Variants in RIMS3 observed in about 807,000 individuals in gnomAD.
RIMS3 encodes the protein regulating synaptic membrane exocytosis protein 3.
In RIMS3, 15 loss-of-function variants were observed where a neutral mutation model predicts 29.2. That is an observed-to-expected ratio of 0.51 (90% CI 0.34 to 0.79). The LOEUF is 0.79. RIMS3 is among the 30% of genes least tolerant of loss of function. RIMS3 has a pLI of 0.01. For synonymous variants in RIMS3, 161 were observed against 170.1 expected (o/e 0.95, Z 0.41); for missense variants, 342 against 421.4 (o/e 0.81, Z 1.65).
intron 2 of RIMS3, among the ~76,000 whole-genome samples, chr1:40,644,025 G>C (rs636579): frequency 0.14 from 20,941 of 146,966 alleles, 1,610 homozygotes; most frequent in African/African-American, 0.21. Flanking sequence ...CTTGTCCAAG[G>C]GGGGGAAGAT....
rs1331622053 is a variant in RIMS3, at chr1:40,621,528, G to T, written c.*4989C>A. 1 of 152,200 alleles carries T rather than the reference G, an allele frequency of 6.6e-6. No individual in the cohort carries two copies. Among genetic ancestry groups the T allele is most frequent in the Non-Finnish European group, 1.5e-5 (1 of 68,056 alleles). The allele number at this position is 152,200 out of a possible 1,614,324, so 9.4% of individuals were successfully genotyped here. On this transcript the variant is annotated 3_prime_UTR_variant, in exon 8 of 8. Coordinates refer to ENST00000372684, the MANE Select transcript of RIMS3 (RefSeq NM_014747.3). ...ACCAGCCCACGGAGACAGGAACCAGGTGCACCAGGCTCGCAACCCTCATGT... is the reference window on the plus strand; with the variant it reads ...ACCAGCCCACGGAGACAGGAACCAGTTGCACCAGGCTCGCAACCCTCATGT...
the RIMS3 span, among the ~76,000 whole-genome samples, chr1:40,678,922 C>A: frequency 1.3e-5 from 2 of 152,186 alleles, no homozygotes; most frequent in Non-Finnish European, 2.9e-5. Flanking sequence ...GGTTAGAAAT[C>A]TGTTAGAAAG....
At chr1:40,681,966 T>G in the RIMS3 span, among the ~76,000 whole-genome samples, 8 of 152,200 alleles carry the variant, frequency 5.3e-5, no homozygotes, top group African/African-American at 1.9e-4. Flanking sequence ...CCCAAGTAGC[T>G]GGAATTACAG....
At chr1:40,664,332 T>A (rs2148364862) in intron 1 of RIMS3, among the ~76,000 whole-genome samples, 1 of 149,078 alleles carries the variant, frequency 6.7e-6, no homozygotes, top group African/African-American at 2.4e-5. Flanking sequence ...TACAGACTAA[T>A]TGGTGGCTGG....
chr1:40,648,129 C>G (rs1382993220), intron 1 of RIMS3, among the ~76,000 whole-genome samples: 2 of 152,150 alleles, frequency 1.3e-5, no homozygotes, highest in Admixed American at 6.5e-5. Context: ...CTAAGGAGCT[C>G]TAGACCCTAT....
intron 1 of RIMS3, among the ~76,000 whole-genome samples, chr1:40,657,593 A>G (rs1642289188): frequency 6.6e-6 from 1 of 152,094 alleles, no homozygotes; most frequent in Non-Finnish European, 1.5e-5. Flanking sequence ...AAAAAAATAC[A>G]AAACTGAGCT....
chr1:40,653,581 T>G (rs768145812), intron 1 of RIMS3, among the ~76,000 whole-genome samples: 1 of 152,060 alleles, frequency 6.6e-6, no homozygotes, highest in Non-Finnish European at 1.5e-5. Flanking sequence ...GCTGGATGCA[T>G]TGGGGAGGGT....
chr1:40,657,124 C>T (rs905718596), intron 1 of RIMS3, among the ~76,000 whole-genome samples: 3 of 152,144 alleles, frequency 2.0e-5, no homozygotes, highest in African/African-American at 7.2e-5. Context: ...AATTATCTTC[C>T]CCGTTTCTGA....
chr1:40,640,676 G>A (rs1223224080), intron 3 of RIMS3, among the ~76,000 whole-genome samples: 1 of 152,222 alleles, frequency 6.6e-6, no homozygotes, highest in Non-Finnish European at 1.5e-5. Flanking sequence ...GGTGGGGAGG[G>A]CTGGCTCCTC....
intron 1 of RIMS3, among the ~76,000 whole-genome samples, chr1:40,664,831 C>T (rs1642401722): frequency 6.6e-6 from 1 of 152,152 alleles, no homozygotes; most frequent in Non-Finnish European, 1.5e-5. Flanking sequence ...CCAAGCCTCC[C>T]TGAACCCTGG....
rs533755254 is a variant in RIMS3, at chr1:40,623,371, T to C, written c.*3146A>G. The C allele has an allele frequency of 4.3e-5, 17 of 398,558 alleles. No homozygotes were observed. Among genetic ancestry groups the C allele is most frequent in the African/African-American group, 2.1e-4 (10 of 48,720 alleles). The allele number at this position is 398,558 out of a possible 1,614,324, so 24.7% of individuals were successfully genotyped here. ...ACCCATTGCAGGGAAAAGGAGTCTA[T>C]GAAGAAAGTGGGACAGAATGAACAG... is the stretch of plus-strand genomic sequence containing the variant. On this transcript the variant is annotated 3_prime_UTR_variant, in exon 8 of 8. Transcript: ENST00000372684.
intron 5 of RIMS3, among the ~76,000 whole-genome samples, chr1:40,632,160 AG>A (rs1646493059): frequency 6.6e-6 from 1 of 152,032 alleles, no homozygotes; most frequent in African/African-American, 2.4e-5. Flanking sequence ...CTGGGACTAC[AG>A]GCACAGGCCA....
chr1:40,676,159 T>C, the RIMS3 span, among the ~76,000 whole-genome samples: 1 of 152,200 alleles, frequency 6.6e-6, no homozygotes, highest in Non-Finnish European at 1.5e-5. Context: ...AGAAACTCCT[T>C]TGTACTTGAG....
the RIMS3 span, among the ~76,000 whole-genome samples, chr1:40,689,103 T>C: frequency 6.6e-6 from 1 of 152,234 alleles, no homozygotes; most frequent in African/African-American, 2.4e-5. Context: ...GGTTTATTTA[T>C]TGTTCACACA....
chr1:40,663,221 C>T (rs1046653122), intron 1 of RIMS3, among the ~76,000 whole-genome samples: 1 of 152,188 alleles, frequency 6.6e-6, no homozygotes, highest in African/African-American at 2.4e-5. Flanking sequence ...CACCCCAAGT[C>T]AGCAGATTGC....
chr1:40,675,078 G>T, the RIMS3 span, among the ~76,000 whole-genome samples: 1 of 152,044 alleles, frequency 6.6e-6, no homozygotes, highest in South Asian at 2.1e-4. Flanking sequence ...CTGGACAACA[G>T]TGAGACTTTG....
At chr1:40,643,259 G>A (rs141225465) in intron 2 of RIMS3, among the ~76,000 whole-genome samples, 296 of 152,038 alleles carry the variant, frequency 1.9e-3, no homozygotes, top group African/African-American at 6.9e-3. Flanking sequence ...AGCCTCCCGA[G>A]TAGCTGGGAT....
rs929042794 is a variant in RIMS3, at chr1:40,624,408, G to A, written c.*2109C>T. 2 of 152,238 alleles carry A rather than the reference G, an allele frequency of 1.3e-5. No individual in the cohort carries two copies. The highest frequency in any genetic ancestry group is 4.8e-5 in the African/African-American group (2 of 41,456). The allele number at this position is 152,238 out of a possible 1,614,324, so 9.4% of individuals were successfully genotyped here. A position where few individuals can be genotyped will look rare whatever the true frequency, so the allele number is the denominator to read the frequency against. ...GTTTCCTTCTTGATCCCCCACTAGG[G>A]TCGAGGAGGACAGAGCCCTTTGTCC... is the stretch of plus-strand genomic sequence containing the variant. On this transcript the variant is annotated 3_prime_UTR_variant, in exon 8 of 8. Transcript: ENST00000372684.
rs141237917 is a variant in RIMS3, at chr1:40,654,739, GAC to G, written c.-206-6899_-206-6898del. On this transcript the variant is annotated intron_variant, in intron 1 of 7. Coordinates refer to ENST00000372684, the MANE Select transcript of RIMS3 (RefSeq NM_014747.3). This position sits in a 1 kb window ranked among gnomAD's most constrained non-coding sequence, Gnocchi z 5.3. ...ATCGCATGAAGATACATTCACCACAGACACACACACACACAGTGCACACACAA... is the reference window on the plus strand; with the variant it reads ...ATCGCATGAAGATACATTCACCACAGACACACACACACAGTGCACACACAA... Among the ~76,000 whole-genome samples the G allele has an allele frequency of 1.3e-5, 2 of 151,300 alleles. No individual in the cohort carries two copies. Among genetic ancestry groups the G allele is most frequent in the South Asian group, 2.1e-4 (1 of 4,798 alleles).
Sources: allele counts gnomAD v4.1 joint callset (sites outside exome capture counted in the v4.1 genomes callset), GRCh38; gene constraint gnomAD v4.1.1; non-coding constraint Gnocchi (gnomAD v3.1); transcripts MANE v1.5; gene names NCBI Gene and HGNC (gene_info 2026-07-23, HGNC 2026-07-21).